The following MARCHF3 variants were observed in gnomAD, a reference collection of about 807,000 sequenced individuals.
MARCHF3 encodes the protein E3 ubiquitin-protein ligase MARCHF3.
Under a neutral mutation model 24.2 loss-of-function variants are expected in MARCHF3, and 13 were observed. The observed-to-expected ratio is 0.54, with a 90% confidence interval of 0.35 to 0.85. The LOEUF is 0.85. Among genes scored for constraint, MARCHF3 ranks in the 40% least tolerant of loss-of-function variants. MARCHF3 has a pLI of 0.01. For missense variants in MARCHF3, 276 were observed against 325.0 expected (o/e 0.85, Z 1.16); for synonymous variants, 144 against 137.3 (o/e 1.05, Z -0.34).
At chr5:126,896,233 C>G (rs1057271149) in intron 3 of MARCHF3, among the ~76,000 whole-genome samples, 2 of 152,156 alleles carry the variant, frequency 1.3e-5, no homozygotes, top group South Asian at 4.1e-4. Flanking sequence ...GAGATGAACC[C>G]GGTACCTCAG....
intron 1 of MARCHF3, among the ~76,000 whole-genome samples, chr5:126,948,492 G>A (rs1466469170): frequency 5.3e-5 from 8 of 152,202 alleles, no homozygotes; most frequent in African/African-American, 1.9e-4. Context: ...AAACTTTAGT[G>A]CTGATAACTT....
chr5:127,021,531 C>A (rs1752805594), intron 1 of MARCHF3, among the ~76,000 whole-genome samples: 1 of 152,050 alleles, frequency 6.6e-6, no homozygotes, highest in Admixed American at 6.5e-5. Flanking sequence ...TGCTAAGAGA[C>A]CATAATTAAA....
chr5:126,908,716 A>G (rs1754395430), intron 3 of MARCHF3, among the ~76,000 whole-genome samples: 1 of 149,662 alleles, frequency 6.7e-6, no homozygotes, highest in Non-Finnish European at 1.5e-5. Flanking sequence ...CCTGTTATAC[A>G]TTCTTCTAAA....
chr5:126,898,999 T>A (rs759417998), intron 3 of MARCHF3: 7 of 985,206 alleles, frequency 7.1e-6, no homozygotes, highest in Non-Finnish European at 8.4e-6. Flanking sequence ...AGCATATTAT[T>A]TCTCTTTCGT....
At chr5:126,887,623 G>A (rs1753549316) in intron 3 of MARCHF3, among the ~76,000 whole-genome samples, 2 of 152,148 alleles carry the variant, frequency 1.3e-5, no homozygotes, top group African/African-American at 4.8e-5. Flanking sequence ...CATTGCCAAA[G>A]GGTCCAGAAA....
At chr5:126,895,479 G>A (rs1753852105) in intron 3 of MARCHF3, among the ~76,000 whole-genome samples, 1 of 152,116 alleles carries the variant, frequency 6.6e-6, no homozygotes, top group South Asian at 2.1e-4. Context: ...GTGATGTACA[G>A]ATGGGTTTTT....
chr5:126,946,606 C>T (rs778066349), intron 1 of MARCHF3, among the ~76,000 whole-genome samples: 32 of 152,078 alleles, frequency 2.1e-4, no homozygotes, highest in Non-Finnish European at 4.0e-4. Flanking sequence ...CTGGGAATGT[C>T]TCAGGCAGTT....
At chr5:126,875,594 A>T (rs1038030036) in intron 4 of MARCHF3, among the ~76,000 whole-genome samples, 3 of 152,228 alleles carry the variant, frequency 2.0e-5, no homozygotes, top group Non-Finnish European at 4.4e-5. Flanking sequence ...GCCGCTCAGC[A>T]CAGCATTTAT....
intron 1 of MARCHF3, among the ~76,000 whole-genome samples, chr5:126,970,760 C>T (rs1453829605): frequency 6.6e-6 from 1 of 152,198 alleles, no homozygotes; most frequent in African/African-American, 2.4e-5. Flanking sequence ...ATTCTGTCAC[C>T]TCTACTTCCA....
At chr5:126,899,010 G>A in intron 3 of MARCHF3, 2 of 985,022 alleles carry the variant, frequency 2.0e-6, no homozygotes, top group Non-Finnish European at 2.4e-6. Context: ...TCTCTTTCGT[G>A]TTTTACAAGC....
chr5:126,911,747 T>C (rs1195230468), intron 3 of MARCHF3, among the ~76,000 whole-genome samples: 1 of 151,994 alleles, frequency 6.6e-6, no homozygotes, highest in East Asian at 1.9e-4. Flanking sequence ...ATATTTAGGG[T>C]AAAAGAGACT....
intron 3 of MARCHF3, among the ~76,000 whole-genome samples, chr5:126,890,767 T>A (rs1247769660): frequency 4.6e-5 from 7 of 151,006 alleles, no homozygotes; most frequent in African/African-American, 1.7e-4. Flanking sequence ...TGTGTCTTTA[T>A]AGCAGCATGA....
chr5:126,955,565 G>A (rs1319702205), intron 1 of MARCHF3, among the ~76,000 whole-genome samples: 1 of 152,162 alleles, frequency 6.6e-6, no homozygotes, highest in Admixed American at 6.5e-5. Context: ...TTGTTAGTAA[G>A]GTCAGCATCT....
At chr5:126,898,198 T>C (rs1415315019) in intron 3 of MARCHF3, among the ~76,000 whole-genome samples, 2 of 152,118 alleles carry the variant, frequency 1.3e-5, no homozygotes, top group Admixed American at 6.6e-5. Context: ...GTGAATTGTA[T>C]GGTATGGTAT....
intron 3 of MARCHF3, among the ~76,000 whole-genome samples, chr5:126,883,471 A>C (rs1365322328): frequency 1.3e-5 from 2 of 152,222 alleles, no homozygotes; most frequent in South Asian, 2.1e-4. Context: ...ATTCTTGGAA[A>C]TAAGTACAAT....
intron 1 of MARCHF3, among the ~76,000 whole-genome samples, chr5:126,973,022 T>C (rs1751068815): frequency 1.3e-5 from 2 of 152,244 alleles, no homozygotes; most frequent in African/African-American, 2.4e-5. Context: ...TCATTTCCAC[T>C]TTTACTTAAA....
In MARCHF3 at chr5:126,932,909, A is replaced by G. The variant is rs1429341019; in HGVS notation, c.-56-14682T>C. Reference sequence around the variant, plus strand: ...TCCTATTTTTTTCTGGGGAAGAGATATCTTTTCTCCCCTTTCCTAACAACA... The same window carrying G: ...TCCTATTTTTTTCTGGGGAAGAGATGTCTTTTCTCCCCTTTCCTAACAACA... On this transcript the variant is annotated intron_variant, in intron 1 of 4. Coordinates refer to ENST00000308660, the MANE Select transcript of MARCHF3 (RefSeq NM_178450.5). Among the ~76,000 whole-genome samples, 4 of 152,154 alleles carry G rather than the reference A, an allele frequency of 2.6e-5. No homozygotes were observed. The East Asian group carries it at 7.7e-4, about 29-fold the overall frequency.
At chr5:126,908,510 T>C (rs1478623412) in intron 3 of MARCHF3, among the ~76,000 whole-genome samples, 1 of 152,164 alleles carries the variant, frequency 6.6e-6, no homozygotes, top group Non-Finnish European at 1.5e-5. Context: ...CTTGGAGGCT[T>C]TGCTCGTTTC....
intron 1 of MARCHF3, among the ~76,000 whole-genome samples, chr5:126,994,741 A>G (rs1215484356): frequency 6.6e-6 from 1 of 151,232 alleles, no homozygotes; most frequent in African/African-American, 2.5e-5. Context: ...TCACACGACC[A>G]CAAGGTGAAG....
Sources: gnomAD v4.1 joint callset for allele counts (sites outside exome capture counted in the v4.1 genomes callset) on GRCh38, gnomAD v4.1.1 for gene constraint, MANE v1.5 for transcripts, NCBI Gene and HGNC (gene_info 2026-07-23, HGNC 2026-07-21) for gene names.